PRKCA: variants seen among roughly 807,000 people sequenced by gnomAD.
PRKCA encodes protein kinase C alpha, also known as protein kinase C alpha type.
In PRKCA, 27 loss-of-function variants were observed where a neutral mutation model predicts 87.0. That is an observed-to-expected ratio of 0.31 (90% CI 0.23 to 0.43). PRKCA has a LOEUF of 0.43. Among genes scored for constraint, PRKCA ranks in the 20% least tolerant of loss-of-function variants. PRKCA has a pLI of 1.00. For missense variants in PRKCA, 518 were observed against 852.3 expected (o/e 0.61, Z 4.88); for synonymous variants, 329 against 311.1 (o/e 1.06, Z -0.61).
intron 13 of PRKCA, among the ~76,000 whole-genome samples, chr17:66,765,434 A>C (rs796159326): frequency 5.9e-4 from 78 of 132,094 alleles, no homozygotes; most frequent in South Asian, 1.2e-3. Flanking sequence ...ATATATATAT[A>C]TATATATATA....
At chr17:66,688,007 G>A (rs879735898) in intron 6 of PRKCA, among the ~76,000 whole-genome samples, 6 of 152,090 alleles carry the variant, frequency 3.9e-5, no homozygotes, top group Admixed American at 2.0e-4. Flanking sequence ...CTGTTGCACC[G>A]GTATAACTTT....
chr17:66,558,482 C>A (rs955372973), intron 3 of PRKCA, among the ~76,000 whole-genome samples: 3 of 152,030 alleles, frequency 2.0e-5, no homozygotes, highest in African/African-American at 7.3e-5. Context: ...GAGAAAGGAG[C>A]TTGGCCGAGG....
intron 3 of PRKCA, among the ~76,000 whole-genome samples, chr17:66,580,264 A>G (rs1969377456): frequency 6.6e-6 from 1 of 152,184 alleles, no homozygotes; most frequent in Admixed American, 6.5e-5. Context: ...AGTGACCAGC[A>G]TTACTCCCCT....
intron 2 of PRKCA, among the ~76,000 whole-genome samples, chr17:66,400,448 G>A (rs1910955718): frequency 6.6e-6 from 1 of 152,190 alleles, no homozygotes; most frequent in Non-Finnish European, 1.5e-5. Flanking sequence ...AACCATGCCT[G>A]GGTTAACTAT....
intron 2 of PRKCA, among the ~76,000 whole-genome samples, chr17:66,381,445 C>A (rs899987995): frequency 1.3e-5 from 2 of 152,046 alleles, no homozygotes; most frequent in African/African-American, 4.8e-5. Flanking sequence ...GATGACAACC[C>A]CATGGACATC....
intron 3 of PRKCA, among the ~76,000 whole-genome samples, chr17:66,571,971 G>A (rs370575179): frequency 2.6e-5 from 4 of 152,256 alleles, no homozygotes; most frequent in Non-Finnish European, 5.9e-5. Flanking sequence ...GTGCCACTCC[G>A]TATAATTCCG....
chr17:66,535,945 T>A (rs778402251), intron 3 of PRKCA, among the ~76,000 whole-genome samples: 6 of 152,226 alleles, frequency 3.9e-5, no homozygotes, highest in Non-Finnish European at 7.3e-5. Context: ...ACATACTGAA[T>A]GGACAGCATT....
intron 8 of PRKCA, among the ~76,000 whole-genome samples, chr17:66,701,354 A>G (rs193111111): frequency 2.6e-5 from 4 of 152,218 alleles, no homozygotes; most frequent in African/African-American, 9.6e-5. Flanking sequence ...CTAGAAGAAA[A>G]CATACTTGGG....
chr17:66,728,659 G>A (rs1366268857), intron 8 of PRKCA, among the ~76,000 whole-genome samples: 1 of 152,212 alleles, frequency 6.6e-6, no homozygotes, highest in African/African-American at 2.4e-5. Context: ...AACTCACAAG[G>A]CCGTCGTTAG....
At chr17:66,462,790 A>ATTCTT (rs1914909478) in intron 2 of PRKCA, among the ~76,000 whole-genome samples, 3 of 152,192 alleles carry the variant, frequency 2.0e-5, no homozygotes, top group Non-Finnish European at 4.4e-5. Context: ...AGAGGAATGA[A>ATTCTT]ATGTCCTCCT....
intron 2 of PRKCA, among the ~76,000 whole-genome samples, chr17:66,467,513 A>G (rs1263290986): frequency 2.0e-5 from 3 of 152,162 alleles, no homozygotes; most frequent in Non-Finnish European, 4.4e-5. Flanking sequence ...CCTATCACCA[A>G]TAGTACCTGC....
At chr17:66,310,356 C>T (rs900241897) in intron 2 of PRKCA, among the ~76,000 whole-genome samples, 2 of 152,026 alleles carry the variant, frequency 1.3e-5, no homozygotes, top group African/African-American at 4.8e-5. Flanking sequence ...AGCCTGTTGT[C>T]CCTGAATGAT....
At chr17:66,584,684 C>T (rs890018153) in intron 3 of PRKCA, among the ~76,000 whole-genome samples, 1 of 152,190 alleles carries the variant, frequency 6.6e-6, no homozygotes, top group Non-Finnish European at 1.5e-5. Context: ...TTGTTCCTCA[C>T]CCTGTGACTG....
chr17:66,592,270 G>A (rs867051822), intron 3 of PRKCA, among the ~76,000 whole-genome samples: 1 of 140,384 alleles, frequency 7.1e-6, no homozygotes, highest in African/African-American at 2.8e-5. Context: ...CAGGAGAATC[G>A]CTTGAACCCA....
At chr17:66,649,508 T>C (rs963824853) in intron 5 of PRKCA, among the ~76,000 whole-genome samples, 1 of 152,172 alleles carries the variant, frequency 6.6e-6, no homozygotes, top group Non-Finnish European at 1.5e-5. Context: ...GCAAAGGAGC[T>C]GAGAGAAAGG....
intron 8 of PRKCA, among the ~76,000 whole-genome samples, chr17:66,713,049 C>CTT (rs564655403): frequency 0.033 from 3,406 of 104,298 alleles, 338 homozygotes; most frequent in African/African-American, 0.11. Flanking sequence ...CTTTGTTGTC[C>CTT]TTTTTTTTTT....
chr17:66,683,783 A>G (rs937104985), intron 5 of PRKCA, among the ~76,000 whole-genome samples: 10 of 152,066 alleles, frequency 6.6e-5, no homozygotes, highest in African/African-American at 2.4e-4. Context: ...TATTTTTAGT[A>G]GAAATGGGGT....
intron 8 of PRKCA, among the ~76,000 whole-genome samples, chr17:66,717,729 G>T (rs112934229): frequency 0.044 from 6,715 of 152,256 alleles, 190 homozygotes; most frequent in Non-Finnish European, 0.062. Flanking sequence ...CAGAGGCTGT[G>T]GTGAAGTTAG....
At chr17:66,699,891 TA>T (rs1342780645) in intron 8 of PRKCA, among the ~76,000 whole-genome samples, 3 of 152,212 alleles carry the variant, frequency 2.0e-5, no homozygotes, top group Non-Finnish European at 2.9e-5. Flanking sequence ...AAATAAGAAT[TA>T]ATACCAATCC....
Sources: allele counts gnomAD v4.1 joint callset (sites outside exome capture counted in the v4.1 genomes callset), GRCh38; gene constraint gnomAD v4.1.1; transcripts MANE v1.5; gene names NCBI Gene and HGNC (gene_info 2026-07-23, HGNC 2026-07-21).